Variants in UNC80 observed in about 807,000 individuals in gnomAD.
The protein encoded by UNC80 is unc-80 subunit of NALCN channel complex, also known as protein unc-80 homolog.
In UNC80, 164 loss-of-function variants were observed where a neutral mutation model predicts 384.6. The ratio of observed to expected loss-of-function variants is 0.43; its 90% CI spans 0.38 to 0.49. UNC80 has a LOEUF of 0.49. Ranked by LOEUF, UNC80 falls within the 20% of genes least tolerant of loss-of-function variation. UNC80 has a pLI of 0.00. For missense variants in UNC80, 3,330 were observed against 4,143.0 expected, an observed-to-expected ratio of 0.80 and a Z score of 5.39; for synonymous variants, 1,486 against 1,527.8, an observed-to-expected ratio of 0.97 and a Z score of 0.64.
At chr2:209,806,260 TC>T (rs748180851) in intron 7 of UNC80, among the ~76,000 whole-genome samples, 22 of 152,324 alleles carry the variant, frequency 1.4e-4, no homozygotes, top group South Asian at 8.3e-4. Flanking sequence ...AAATGATGTT[TC>T]TTTTCTCTGA....
In UNC80 at chr2:209,888,242, G is replaced by A; in HGVS notation, c.4258G>A (p.Gly1420Arg). ...CAGCCACACTCTCAAATCAGATGCA[G>A]GAGTCGAGGAGAAGAAAGGTATGGA... is the stretch of plus-strand genomic sequence containing the variant. ...SSSHTLKSDAGVEEKKVPSRK... is the reference protein window; with the variant it reads ...SSSHTLKSDARVEEKKVPSRK... Residue 1420 changes from glycine (G) to arginine (R), a missense_variant, in exon 26 of 65, where the codon GGA becomes AGA. Physicochemically the swap from Gly to Arg is moderately radical, Grantham distance 125 (BLOSUM62 -2). This residue lies in a region of UNC80 where 801 missense variants were observed against 950.8 expected (regional missense o/e 0.84). Coordinates refer to ENST00000673920, the MANE Select transcript of UNC80 (RefSeq NM_001371986.1). 1 of 1,551,714 alleles carries A rather than the reference G, an allele frequency of 6.4e-7. No homozygotes were observed. Among genetic ancestry groups the A allele is most frequent in the African/African-American group, 1.4e-5 (1 of 73,166 alleles).
intron 16 of UNC80, among the ~76,000 whole-genome samples, chr2:209,833,601 C>A (rs1022558326): frequency 6.6e-6 from 1 of 152,162 alleles, no homozygotes; most frequent in Non-Finnish European, 1.5e-5. Flanking sequence ...AGAAGCTGAA[C>A]AGGGACCAAA....
intron 51 of UNC80, among the ~76,000 whole-genome samples, chr2:209,963,514 A>G (rs2092657928): frequency 1.3e-5 from 2 of 152,240 alleles, no homozygotes; most frequent in African/African-American, 2.4e-5. Flanking sequence ...AGTCTTTGGA[A>G]GCTCAAAATA....
intron 29 of UNC80, among the ~76,000 whole-genome samples, chr2:209,907,078 A>T (rs1387854074): frequency 1.3e-5 from 2 of 152,166 alleles, no homozygotes; most frequent in Non-Finnish European, 2.9e-5. Flanking sequence ...TTCAAGTGTT[A>T]AGCACAGGGC....
chr2:209,839,575 T>C lies in UNC80; in HGVS notation c.3250+145T>C, dbSNP rs1306081410. On this transcript the variant is annotated intron_variant, in intron 19 of 64. Coordinates refer to ENST00000673920, the MANE Select transcript of UNC80 (RefSeq NM_001371986.1). The surrounding 1 kb of genome is among the most constrained non-coding windows in gnomAD (Gnocchi z 4.1). ...ACTTCATTCATTCATTCATTTAATT[T>C]TTCCCACAGTATTTTTCAATACCCT... 1 of 860,974 alleles carries C rather than the reference T, an allele frequency of 1.2e-6. No individual in the cohort carries two copies. The highest frequency in any genetic ancestry group is 1.8e-6 in the Non-Finnish European group (1 of 562,990). 53.3% of individuals were successfully genotyped at this position (860,974 alleles called of 1,614,324 possible). A position where few individuals can be genotyped will look rare whatever the true frequency, so the allele number is the denominator to read the frequency against.
At chr2:209,897,847 C>A (rs2086958795) in intron 28 of UNC80, among the ~76,000 whole-genome samples, 1 of 152,072 alleles carries the variant, frequency 6.6e-6, no homozygotes, top group Admixed American at 6.6e-5. Flanking sequence ...GCCTTTTAAA[C>A]CTAAAAATTT....
At chr2:209,825,130 C>G (rs1019860966) in intron 13 of UNC80, among the ~76,000 whole-genome samples, 10 of 152,192 alleles carry the variant, frequency 6.6e-5, no homozygotes, top group Non-Finnish European at 1.0e-4. Flanking sequence ...AGACAGGCTG[C>G]AGCTTCCCAA....
chr2:209,982,069 C>T, intron 59 of UNC80, 110 bp from the exon 60 acceptor site: 1 of 1,023,718 alleles, frequency 9.8e-7, no homozygotes, highest in Non-Finnish European at 1.4e-6. Context: ...GATTTACACA[C>T]AGCCCTAAGT....
At chr2:209,994,848 A>G (rs1356579422) in intron 64 of UNC80, among the ~76,000 whole-genome samples, 1 of 152,178 alleles carries the variant, frequency 6.6e-6, no homozygotes. Flanking sequence ...TAGAACCTCT[A>G]TGTCCTATAA....
chr2:209,826,088 C>T, intron 14 of UNC80, 35 bp downstream of exon 14: 1 of 1,526,042 alleles, frequency 6.6e-7, no homozygotes, highest in African/African-American at 1.4e-5. Flanking sequence ...TTTCCTCTCC[C>T]TCTTCCTTCC....
chr2:209,835,211 C>T (rs546662126), intron 18 of UNC80, among the ~76,000 whole-genome samples: 82 of 152,292 alleles, frequency 5.4e-4, no homozygotes, highest in Non-Finnish European at 1.1e-3. Context: ...GAGAAGCCTC[C>T]CTAACTACAT....
intron 7 of UNC80, among the ~76,000 whole-genome samples, chr2:209,811,343 G>C (rs2079332939): frequency 6.6e-6 from 1 of 152,172 alleles, no homozygotes; most frequent in South Asian, 2.1e-4. Flanking sequence ...TACTGTAAGG[G>C]AGCTTGCATT....
intron 6 of UNC80, among the ~76,000 whole-genome samples, chr2:209,792,515 T>A (rs191472585): frequency 0.022 from 3,351 of 152,050 alleles, 123 homozygotes; most frequent in African/African-American, 0.077. Context: ...GCCCAGCTAA[T>A]TTTTTGTATT....
chr2:209,803,343 T>G (rs2078679887), intron 7 of UNC80, among the ~76,000 whole-genome samples: 1 of 152,226 alleles, frequency 6.6e-6, no homozygotes, highest in Non-Finnish European at 1.5e-5. Flanking sequence ...GTAACCATTA[T>G]GACCACCAGC....
intron 63 of UNC80, 39 bp downstream of exon 63, chr2:209,993,465 A>G (rs1354876567): frequency 1.6e-5 from 24 of 1,515,360 alleles, no homozygotes; most frequent in Non-Finnish European, 2.1e-5. Context: ...TACCATTGAC[A>G]TGATGCCATG....
At chr2:209,915,564 C>A (rs1396903956) in intron 31 of UNC80, among the ~76,000 whole-genome samples, 5 of 152,018 alleles carry the variant, frequency 3.3e-5, no homozygotes, top group Non-Finnish European at 1.5e-5. Flanking sequence ...CAGCTTGTAA[C>A]CGACTTTGAA....
At chr2:209,870,970 G>A (rs759343884) in intron 22 of UNC80, among the ~76,000 whole-genome samples, 1 of 152,190 alleles carries the variant, frequency 6.6e-6, no homozygotes, top group Non-Finnish European at 1.5e-5. Context: ...ATATTTGGGA[G>A]ATAGCAACTA....
At position 209,776,007 on chromosome 2, in the gene UNC80, A is replaced by T; in HGVS notation, c.260A>T (p.His87Leu). ...LVQAALPHVL[H>L]CTATLLSNRN... ...CAAGCTGCTTTGCCTCATGTCCTCC[A>T]CTGCACTGCAACCCTGCTTTCAAAC... The change falls in exon 3 of 65, where the codon CAC becomes CTC. Residue 87 changes from histidine to leucine, a missense_variant. This residue lies in a region of UNC80 where 86 missense variants were observed against 141.5 expected (regional missense o/e 0.61). Coordinates refer to ENST00000673920, the MANE Select transcript of UNC80 (RefSeq NM_001371986.1). 1.2e-6 allele frequency: 2 copies of T among 1,614,082 alleles called. No homozygotes were observed. Among genetic ancestry groups the T allele is most frequent in the Non-Finnish European group, 8.5e-7 (1 of 1,179,996 alleles).
At chr2:209,850,574 A>T (rs2082457238) in intron 22 of UNC80, among the ~76,000 whole-genome samples, 1 of 152,170 alleles carries the variant, frequency 6.6e-6, no homozygotes, top group South Asian at 2.1e-4. Context: ...CTCTAAGGAT[A>T]TTTAGTGACC....
Sources: gnomAD v4.1 joint callset for allele counts (sites outside exome capture counted in the v4.1 genomes callset) on GRCh38, gnomAD v4.1.1 for gene constraint, gnomAD v4.1.1 regional missense constraint, Gnocchi (gnomAD v3.1) non-coding constraint, MANE v1.5 for transcripts, NCBI Gene and HGNC (gene_info 2026-07-23, HGNC 2026-07-21) for gene names.